TNPO2: variants seen among roughly 807,000 people sequenced by gnomAD.
TNPO2 encodes the protein transportin 2.
TNPO2 carries 16 observed loss-of-function variants against 111.1 expected under a neutral mutation model. The ratio of observed to expected loss-of-function variants is 0.14; its 90% confidence interval spans 0.10 to 0.22. The LOEUF (loss-of-function observed/expected upper bound fraction) is 0.22, where lower values mean the gene tolerates loss of function less well. TNPO2 is among the 10% of genes least tolerant of loss of function. TNPO2 has a pLI of 1.00. For missense variants in TNPO2, 530 were observed against 1,173.7 expected (o/e 0.45, Z 8.01); for synonymous variants, 481 against 475.8 (o/e 1.01, Z -0.14).
chr19:12,721,078 T>G lies in TNPO2; in HGVS notation c.-13-88A>C. 1.3e-6 allele frequency: 2 copies of G among 1,531,134 alleles called. No individual in the cohort carries two copies. The highest frequency in any genetic ancestry group is 1.7e-6 in the Non-Finnish European group (2 of 1,144,568). 94.8% of individuals were successfully genotyped at this position (1,531,134 alleles called of 1,614,324 possible). On this transcript the variant is annotated intron_variant, in intron 2 of 25. Coordinates refer to ENST00000425528, the MANE Select transcript of TNPO2 (RefSeq NM_001382241.1). The surrounding 1 kb of genome is among the most constrained non-coding windows in gnomAD (Gnocchi z 4.9). ...AGCCCCTGAGGCCGCGGTGGCCGCA[T>G]GACGACGGGAACGCCCTCGGCGGAC... is the stretch of plus-strand genomic sequence containing the variant.
chr19:12,702,045 C>A lies in TNPO2; in HGVS notation c.2411+27G>T. 6.2e-7 allele frequency: 1 copy of A among 1,608,084 alleles called. No individual in the cohort carries two copies. The highest frequency in any genetic ancestry group is 8.5e-7 in the Non-Finnish European group (1 of 1,175,006). ...GGTTGGGCCAGTCCCGCCCACCACA[C>A]AGCAGGCTTGACACGTGGACACACA... On this transcript the variant is annotated intron_variant, in intron 22 of 25. Coordinates refer to ENST00000425528, the MANE Select transcript of TNPO2 (RefSeq NM_001382241.1). This position sits in a 1 kb window ranked among gnomAD's most constrained non-coding sequence, Gnocchi z 5.5.
At chr19:12,711,503 C>T in intron 11 of TNPO2, 42 bp from the exon 12 acceptor site, 1 of 1,613,856 alleles carries the variant, frequency 6.2e-7, no homozygotes, top group South Asian at 1.1e-5. Context: ...GGGACCACAG[C>T]CGCGACACCC....
chr19:12,701,744 G>A lies in TNPO2; in HGVS notation c.2511+8C>T. 1 of 1,613,558 alleles carries A rather than the reference G, an allele frequency of 6.2e-7. No homozygotes were observed. The highest frequency in any genetic ancestry group is 8.5e-7 in the Non-Finnish European group (1 of 1,179,654). The stretch of plus-strand genomic sequence containing the variant: ...CCGCGCCTGCCCTCAGAGCCCAGCT[G>A]CCCCAACCTGCACAACGCCCCCCGG... On this transcript the variant is annotated splice_region_variant and intron_variant, in intron 23 of 25. Transcript: ENST00000425528. The surrounding 1 kb of genome is among the most constrained non-coding windows in gnomAD (Gnocchi z 5.0).
At position 12,721,395 on chromosome 19, in the gene TNPO2, T is replaced by C. The variant is rs1966934992; in HGVS notation, c.-13-405A>G. 2.2e-6 allele frequency: 2 copies of C among 913,316 alleles called. No individual in the cohort carries two copies. The highest frequency in any genetic ancestry group is 5.1e-5 in the Admixed American group (2 of 38,992). The allele number at this position is 913,316 out of a possible 1,614,324, so 56.6% of individuals were successfully genotyped here. Reference sequence around the variant, plus strand: ...CCAGGGGCCCCGCCCCAGACCGTGATAGCGCCCCGGCCCCCGTGGTCTCTT... The same window carrying C: ...CCAGGGGCCCCGCCCCAGACCGTGACAGCGCCCCGGCCCCCGTGGTCTCTT... On this transcript the variant is annotated intron_variant, in intron 2 of 25. Transcript: ENST00000425528. The surrounding 1 kb of genome is among the most constrained non-coding windows in gnomAD (Gnocchi z 4.9).
In TNPO2 at chr19:12,702,196, C is replaced by T; in HGVS notation, c.2306-19G>A. 6.2e-7 allele frequency: 1 copy of T among 1,608,444 alleles called. No homozygotes were observed. Among genetic ancestry groups the T allele is most frequent in the Non-Finnish European group, 8.5e-7 (1 of 1,177,092 alleles). ...AGGCGACCTGCAACCCCGAGCGGCCCCGGGACGGTACGTGGCGGGGCCTCT... is the reference window on the plus strand; with the variant it reads ...AGGCGACCTGCAACCCCGAGCGGCCTCGGGACGGTACGTGGCGGGGCCTCT... On this transcript the variant is annotated intron_variant, in intron 21 of 25. Transcript: ENST00000425528. This position sits in a 1 kb window ranked among gnomAD's most constrained non-coding sequence, Gnocchi z 5.5.
chr19:12,708,447 A>G (rs77175685), intron 13 of TNPO2, among the ~76,000 whole-genome samples: 1 of 139,618 alleles, frequency 7.2e-6, no homozygotes, highest in South Asian at 2.6e-4. Context: ...TTTTTTTTTT[A>G]AAATATCACG....
Position 12,701,156 on chromosome 19 carries a change from C to G in TNPO2, c.*108G>C. On this transcript the variant is annotated 3_prime_UTR_variant, in exon 26 of 26. Coordinates refer to ENST00000425528, the MANE Select transcript of TNPO2 (RefSeq NM_001382241.1). The surrounding 1 kb of genome is among the most constrained non-coding windows in gnomAD (Gnocchi z 5.0). Reference sequence around the variant, plus strand: ...ATCTGGATTTGAGTCCCACTCACTCCTCCCTAACCCCCCTCAACCAGGGCA... The same window carrying G: ...ATCTGGATTTGAGTCCCACTCACTCGTCCCTAACCCCCCTCAACCAGGGCA... The G allele has an allele frequency of 1.9e-6, 1 of 538,064 alleles. No homozygotes were observed. Among genetic ancestry groups the G allele is most frequent in the Non-Finnish European group, 3.3e-6 (1 of 303,802 alleles). The allele number at this position is 538,064 out of a possible 1,614,324, so 33.3% of individuals were successfully genotyped here. A position where few individuals can be genotyped will look rare whatever the true frequency, so the allele number is the denominator to read the frequency against.
rs2025584569 is a variant in TNPO2 at position 12,705,404 on chromosome 19, C to T, written c.1864-6G>A. 1 of 1,580,732 alleles carries T rather than the reference C, an allele frequency of 6.3e-7. No homozygotes were observed. Among genetic ancestry groups the T allele is most frequent in the South Asian group, 1.2e-5 (1 of 86,350 alleles). ...TCAGGGTGCTGGGTGTACATCTAGA[C>T]ACAGATGCCGACAGGGGCACGGGTA... On this transcript the variant is annotated splice_polypyrimidine_tract_variant and splice_region_variant and intron_variant, in intron 17 of 25. Transcript: ENST00000425528. The surrounding 1 kb of genome is among the most constrained non-coding windows in gnomAD (Gnocchi z 7.2).
chr19:12,715,702 C>T lies in TNPO2; in HGVS notation c.363G>A (p.Leu121=). ...GGGGCAGCAGCTCGGGCCACATCTG[C>T]AGCTCACCCTTGGAAGCGATGGTGG... ...LITTIASKGE[L]QMWPELLPQL... The change falls in exon 6 of 26, where the codon CTG becomes CTA. Residue 121 remains leucine, a synonymous_variant. Transcript: ENST00000425528. The surrounding 1 kb of genome is among the most constrained non-coding windows in gnomAD (Gnocchi z 7.1). 6.2e-7 allele frequency: 1 copy of T among 1,613,448 alleles called. No individual in the cohort carries two copies. The highest frequency in any genetic ancestry group is 8.5e-7 in the Non-Finnish European group (1 of 1,179,750).
intron 13 of TNPO2, among the ~76,000 whole-genome samples, chr19:12,708,140 A>G (rs1226293794): frequency 2.6e-5 from 4 of 151,230 alleles, no homozygotes; most frequent in Non-Finnish European, 5.9e-5. Flanking sequence ...CAATTTTTTA[A>G]TGTTTTCTTT....
In TNPO2 at chr19:12,700,872, G is replaced by A. The variant is rs374909792; in HGVS notation, c.*392C>T. 4 of 169,556 alleles carry A rather than the reference G, an allele frequency of 2.4e-5. No individual in the cohort carries two copies. The highest frequency in any genetic ancestry group is 7.2e-5 in the African/African-American group (3 of 41,748). The allele number at this position is 169,556 out of a possible 1,614,324, so 10.5% of individuals were successfully genotyped here. A position where few individuals can be genotyped will look rare whatever the true frequency, so the allele number is the denominator to read the frequency against. On this transcript the variant is annotated 3_prime_UTR_variant, in exon 26 of 26. Transcript: ENST00000425528. ...GCCATGTGTGTCCGTGTGAGTGTAC[G>A]CGTCCCTACGAGGGCCCCCCTCCTG...
chr19:12,705,814 G>C lies in TNPO2; in HGVS notation c.1669-46C>G. On this transcript the variant is annotated intron_variant, in intron 15 of 25. Coordinates refer to ENST00000425528, the MANE Select transcript of TNPO2 (RefSeq NM_001382241.1). The surrounding 1 kb of genome is among the most constrained non-coding windows in gnomAD (Gnocchi z 7.2). ...GGGCGCTCCCTGGGTCGGGGTGGCA[G>C]ACTGTGACTCAGGTACCTGTTGCCC... 3 of 1,346,476 alleles carry C rather than the reference G, an allele frequency of 2.2e-6. No homozygotes were observed. Among genetic ancestry groups the C allele is most frequent in the Non-Finnish European group, 3.0e-6 (3 of 1,004,012 alleles). The allele number at this position is 1,346,476 out of a possible 1,614,324, so 83.4% of individuals were successfully genotyped here.
At position 12,702,263 on chromosome 19, in the gene TNPO2, T is replaced by C. The variant is rs564356896; in HGVS notation, c.2306-86A>G. On this transcript the variant is annotated intron_variant, in intron 21 of 25. Coordinates refer to ENST00000425528, the MANE Select transcript of TNPO2 (RefSeq NM_001382241.1). The surrounding 1 kb of genome is among the most constrained non-coding windows in gnomAD (Gnocchi z 5.5). ...CCCCGCCCCATGAGCCCCAAGGGAA[T>C]GGCTACTGCAGCCACCCTGGTCCCC... The C allele has an allele frequency of 3.3e-6, 4 of 1,204,300 alleles. No individual in the cohort carries two copies. Among genetic ancestry groups the C allele is most frequent in the Non-Finnish European group, 3.6e-6 (3 of 840,266 alleles). 74.6% of individuals were successfully genotyped at this position (1,204,300 alleles called of 1,614,324 possible).
rs772358159 is a variant in TNPO2, at chr19:12,719,057, A to G, written c.297T>C (p.Asp99=). 1 of 1,613,944 alleles carries G rather than the reference A, an allele frequency of 6.2e-7. No individual in the cohort carries two copies. Among genetic ancestry groups the G allele is most frequent in the Non-Finnish European group, 8.5e-7 (1 of 1,179,904 alleles). ...IKQECLNNIG[D]ASSLIRATIG... The stretch of plus-strand genomic sequence containing the variant: ...TGGTGGCTCGGATGAGCGAGGAGGC[A>G]TCGCCAATGTTGTTGAGACACTCCT... Residue 99 remains aspartate (D), a synonymous_variant, in exon 5 of 26, where the codon GAT becomes GAC. Coordinates refer to ENST00000425528, the MANE Select transcript of TNPO2 (RefSeq NM_001382241.1). This position sits in a 1 kb window ranked among gnomAD's most constrained non-coding sequence, Gnocchi z 5.0.
At chr19:12,707,741 CT>C (rs2025782361) in intron 13 of TNPO2, among the ~76,000 whole-genome samples, 1 of 151,956 alleles carries the variant, frequency 6.6e-6, no homozygotes, top group African/African-American at 2.4e-5. Flanking sequence ...CCACCTCAGC[CT>C]CCCAGAGTGC....
rs941410123 is a variant in TNPO2 at position 12,700,758 on chromosome 19, T to A, written c.*506A>T. ...AAGGCCTTACGGGTTAACTCAGGGG[T>A]TCACTAATTCTACTGTCTCCATGCA... On this transcript the variant is annotated 3_prime_UTR_variant, in exon 26 of 26. Transcript: ENST00000425528. The A allele has an allele frequency of 4.0e-5, 6 of 149,304 alleles. No homozygotes were observed. Among genetic ancestry groups the A allele is most frequent in the African/African-American group, 1.5e-4 (6 of 40,236 alleles). 9.2% of individuals were successfully genotyped at this position (149,304 alleles called of 1,614,324 possible).
Position 12,723,263 on chromosome 19 carries a change from G to A in TNPO2, c.-28C>T, listed in dbSNP as rs1377249914. 1.3e-5 allele frequency: 2 copies of A among 152,198 alleles called. No homozygotes were observed. The highest frequency in any genetic ancestry group is 2.9e-5 in the Non-Finnish European group (2 of 68,054). The allele number at this position is 152,198 out of a possible 1,614,324, so 9.4% of individuals were successfully genotyped here. On this transcript the variant is annotated 5_prime_UTR_variant, in exon 2 of 26. Transcript: ENST00000425528. Reference sequence around the variant, plus strand: ...CCTTTCCCTACCTGAAGTTGAATGAGGTGGAACAGCGCAGGAAATTCTGGC... The same window carrying A: ...CCTTTCCCTACCTGAAGTTGAATGAAGTGGAACAGCGCAGGAAATTCTGGC...
intron 10 of TNPO2, among the ~76,000 whole-genome samples, chr19:12,713,362 G>A (rs927284301): frequency 3.3e-5 from 5 of 152,022 alleles, no homozygotes; most frequent in African/African-American, 4.8e-5. Flanking sequence ...ATTTGGGGCC[G>A]GGCACAGGGG....
In TNPO2 at chr19:12,721,608, C is replaced by G. The variant is rs1415493533; in HGVS notation, c.-13-618G>C. 2.9e-5 allele frequency: 8 copies of G among 276,542 alleles called. No homozygotes were observed. The highest frequency in any genetic ancestry group is 2.3e-4 in the South Asian group (8 of 34,330). 17.1% of individuals were successfully genotyped at this position (276,542 alleles called of 1,614,324 possible). On this transcript the variant is annotated intron_variant, in intron 2 of 25. Coordinates refer to ENST00000425528, the MANE Select transcript of TNPO2 (RefSeq NM_001382241.1). The surrounding 1 kb of genome is among the most constrained non-coding windows in gnomAD (Gnocchi z 4.9). ...TCAAGCTCAGTGGATGCCAGATATC[C>G]CCCTCTGTGGCCTAGCCAAATTCTA...
Sources: gnomAD v4.1 joint callset for allele counts (sites outside exome capture counted in the v4.1 genomes callset) on GRCh38, gnomAD v4.1.1 for gene constraint, Gnocchi (gnomAD v3.1) non-coding constraint, MANE v1.5 for transcripts, NCBI Gene and HGNC (gene_info 2026-07-23, HGNC 2026-07-21) for gene names.